FGL2: variants seen among roughly 807,000 people sequenced by gnomAD.
FGL2 encodes fibrinogen like 2, also known as fibroleukin.
FGL2 carries 21 observed loss-of-function variants against 36.0 expected under a neutral mutation model. That is an observed-to-expected ratio of 0.58 (90% CI 0.41 to 0.84). The LOEUF is 0.84. Among genes scored for constraint, FGL2 ranks in the 40% least tolerant of loss-of-function variants. The pLI is 0.00. For synonymous variants in FGL2, 183 were observed against 190.7 expected (o/e 0.96, Z 0.33); for missense variants, 444 against 526.3 (o/e 0.84, Z 1.53).
chr7:77,197,090 A>C (rs1345638209), intron 1 of FGL2, 105 bp from the exon 2 acceptor site: 11 of 717,528 alleles, frequency 1.5e-5, no homozygotes, highest in Admixed American at 2.7e-5. Context: ...AATCAATGGC[A>C]GTAATGAAAC....
Position 77,193,421 on chromosome 7 carries a change from G to A in FGL2, c.*2858C>T, listed in dbSNP as rs1791807159. On this transcript the variant is annotated 3_prime_UTR_variant, in exon 2 of 2. Coordinates refer to ENST00000248598, the MANE Select transcript of FGL2 (RefSeq NM_006682.3). Reference sequence around the variant, plus strand: ...TATTTCCACATTGAAGAATAGATGTGATAATTAAATCTTTTATAAGGTTTT... The same window carrying A: ...TATTTCCACATTGAAGAATAGATGTAATAATTAAATCTTTTATAAGGTTTT... The A allele has an allele frequency of 6.6e-6, 1 of 152,092 alleles. No individual in the cohort carries two copies. Among genetic ancestry groups the A allele is most frequent in the Admixed American group, 6.5e-5 (1 of 15,278 alleles). 9.4% of individuals were successfully genotyped at this position (152,092 alleles called of 1,614,324 possible).
chr7:77,197,050 T>G, intron 1 of FGL2, 65 bp from the exon 2 acceptor site: 1 of 977,744 alleles, frequency 1.0e-6, no homozygotes, highest in Non-Finnish European at 1.5e-6. Flanking sequence ...TGAAGAATTC[T>G]TTATATGTAC....
intron 1 of FGL2, 151 bp downstream of exon 1, chr7:77,199,030 G>T: frequency 1.5e-6 from 1 of 673,394 alleles, no homozygotes; most frequent in South Asian, 1.9e-5. Flanking sequence ...GGTCATATTT[G>T]AGAAGATATT....
Position 77,193,453 on chromosome 7 carries a change from A to C in FGL2, c.*2826T>G, listed in dbSNP as rs1441954212. Reference sequence around the variant, plus strand: ...AAATCTTTTATAAGGTTTTAAAAAGACATGAAACATAAACCTAATTATACA... The same window carrying C: ...AAATCTTTTATAAGGTTTTAAAAAGCCATGAAACATAAACCTAATTATACA... On this transcript the variant is annotated 3_prime_UTR_variant, in exon 2 of 2. Transcript: ENST00000248598. 6.6e-6 allele frequency: 1 copy of C among 152,232 alleles called. No homozygotes were observed. Among genetic ancestry groups the C allele is most frequent in the African/African-American group, 2.4e-5 (1 of 41,472 alleles). The allele number at this position is 152,232 out of a possible 1,614,324, so 9.4% of individuals were successfully genotyped here.
rs201207845 is a variant in FGL2, at chr7:77,199,322, G to C, written c.472C>G (p.Leu158Val). Residue 158 changes from leucine to valine, a missense_variant, in exon 1 of 2, where the codon CTG becomes GTG. Physicochemically the swap from Leu to Val is conservative, Grantham distance 32. Transcript: ENST00000248598. Reference sequence around the variant, plus strand: ...ATATTTACAAGATTCAGCTTCTCCAGGCGACCATGAAGTACATTGATCTCC... The same window carrying C: ...ATATTTACAAGATTCAGCTTCTCCACGCGACCATGAAGTACATTGATCTCC... ...KEEINVLHGR[L>V]EKLNLVNMNN... The C allele has an allele frequency of 8.7e-4, 1,402 of 1,614,062 alleles. 23 individuals carry two copies. The South Asian group carries it at 0.015, about 17-fold the overall frequency.
Position 77,195,527 on chromosome 7 carries a change from G to T in FGL2, c.*752C>A, listed in dbSNP as rs1436627623. On this transcript the variant is annotated 3_prime_UTR_variant, in exon 2 of 2. Coordinates refer to ENST00000248598, the MANE Select transcript of FGL2 (RefSeq NM_006682.3). ...GTTCTGTTGCAAAGTAAATGATATA[G>T]ATTAAGTTTGTCTCAGAATGAAGAT... The T allele has an allele frequency of 6.6e-6, 1 of 152,174 alleles. No homozygotes were observed. The highest frequency in any genetic ancestry group is 2.4e-5 in the African/African-American group (1 of 41,438). 9.4% of individuals were successfully genotyped at this position (152,174 alleles called of 1,614,324 possible).
At chr7:77,197,367 C>T (rs933657452) in intron 1 of FGL2, among the ~76,000 whole-genome samples, 2 of 152,202 alleles carry the variant, frequency 1.3e-5, no homozygotes, top group Admixed American at 6.5e-5. Flanking sequence ...ATGATGTAGG[C>T]GTTACTGCCA....
chr7:77,194,500 A>G lies in FGL2; in HGVS notation c.*1779T>C, dbSNP rs1791828954. 1 of 152,074 alleles carries G rather than the reference A, an allele frequency of 6.6e-6. No homozygotes were observed. Among genetic ancestry groups the G allele is most frequent in the South Asian group, 2.1e-4 (1 of 4,838 alleles). The allele number at this position is 152,074 out of a possible 1,614,324, so 9.4% of individuals were successfully genotyped here. Reference sequence around the variant, plus strand: ...AACATTTTAATAGTATTTGTGATATATCATGTTTAACTGAAAGCTTTGGGT... The same window carrying G: ...AACATTTTAATAGTATTTGTGATATGTCATGTTTAACTGAAAGCTTTGGGT... On this transcript the variant is annotated 3_prime_UTR_variant, in exon 2 of 2. Transcript: ENST00000248598.
chr7:77,196,963 A>G lies in FGL2; in HGVS notation c.636T>C (p.Asp212=). The G allele has an allele frequency of 6.2e-7, 1 of 1,606,344 alleles. No homozygotes were observed. Among genetic ancestry groups the G allele is most frequent in the Non-Finnish European group, 8.5e-7 (1 of 1,176,064 alleles). The change falls in exon 2 of 2, where the codon GAT becomes GAC. Residue 212 remains aspartate, a synonymous_variant. Coordinates refer to ENST00000248598, the MANE Select transcript of FGL2 (RefSeq NM_006682.3). The surrounding 1 kb of genome is among the most constrained non-coding windows in gnomAD (Gnocchi z 4.2). ...SRPVQHLIYK[D]CSDYYAIGKR... The stretch of plus-strand genomic sequence containing the variant: ...TGCCTATTGCGTAGTAGTCAGAGCA[A>G]TCTTTATATATTAGATGTTGAACTG...
chr7:77,199,625 A>C lies in FGL2; in HGVS notation c.169T>G (p.Tyr57Asp). Residue 57 changes from tyrosine (Y) to aspartate (D), a missense_variant, in exon 1 of 2, where the codon TAC (tyrosine) becomes GAC (aspartate). Tyr to Asp is a radical substitution (Grantham distance 160). Transcript: ENST00000248598. ...GTCAAGGGGGGCAGGCTTACCTGGT[A>C]GGGGCACTCCCCTGCCTCTTCGCAT... ...GKCEEAGECP[Y>D]QVSLPPLTIQ... 1.2e-6 allele frequency: 2 copies of C among 1,614,110 alleles called. No homozygotes were observed. Among genetic ancestry groups the C allele is most frequent in the Non-Finnish European group, 1.7e-6 (2 of 1,180,000 alleles).
In FGL2 at chr7:77,194,539, G is replaced by C. The variant is rs1791829491; in HGVS notation, c.*1740C>G. ...AAAGCTTTGGGTTATATATTTTAAA[G>C]GAATATCTTACTTTTTGACTAAATA... is the stretch of plus-strand genomic sequence containing the variant. On this transcript the variant is annotated 3_prime_UTR_variant, in exon 2 of 2. Transcript: ENST00000248598. 6.6e-6 allele frequency: 1 copy of C among 151,910 alleles called. No individual in the cohort carries two copies. The highest frequency in any genetic ancestry group is 2.4e-5 in the African/African-American group (1 of 41,382). 9.4% of individuals were successfully genotyped at this position (151,910 alleles called of 1,614,324 possible).
At position 77,196,858 on chromosome 7, in the gene FGL2, C is replaced by A. The variant is rs548765525; in HGVS notation, c.741G>T (p.Met247Ile). ...SFEVYCDMET[M>I]GGGWTVLQAR... ...CCTGCAGCACTGTCCAGCCTCCCCC[C>A]ATGGTCTCCATGTCACAGTAAACTT... The change falls in exon 2 of 2, where the codon ATG becomes ATT. Residue 247 changes from methionine (M) to isoleucine (I), a missense_variant. Physicochemically the swap from Met to Ile is conservative, Grantham distance 10. Coordinates refer to ENST00000248598, the MANE Select transcript of FGL2 (RefSeq NM_006682.3). The surrounding 1 kb of genome is among the most constrained non-coding windows in gnomAD (Gnocchi z 4.2). The A allele has an allele frequency of 7.4e-6, 12 of 1,613,928 alleles. No individual in the cohort carries two copies. The highest frequency in any genetic ancestry group is 1.6e-4 in the Middle Eastern group (1 of 6,084).
chr7:77,194,916 T>G lies in FGL2; in HGVS notation c.*1363A>C, dbSNP rs1446311501. On this transcript the variant is annotated 3_prime_UTR_variant, in exon 2 of 2. Coordinates refer to ENST00000248598, the MANE Select transcript of FGL2 (RefSeq NM_006682.3). ...GATGAATTATAAAAATTACAGATAC[T>G]TCTGTTTGGGTAAAAATCTATCTTT... The G allele has an allele frequency of 1.3e-5, 2 of 152,144 alleles. No individual in the cohort carries two copies. The highest frequency in any genetic ancestry group is 2.4e-5 in the African/African-American group (1 of 41,448). 9.4% of individuals were successfully genotyped at this position (152,144 alleles called of 1,614,324 possible). A position where few individuals can be genotyped will look rare whatever the true frequency, so the allele number is the denominator to read the frequency against.
chr7:77,196,663 T>G lies in FGL2; in HGVS notation c.936A>C (p.Leu312=). The change falls in exon 2 of 2, where the codon CTA becomes CTC. Residue 312 remains leucine (L), a synonymous_variant. Coordinates refer to ENST00000248598, the MANE Select transcript of FGL2 (RefSeq NM_006682.3). This position sits in a 1 kb window ranked among gnomAD's most constrained non-coding sequence, Gnocchi z 4.2. ...IDLEDFNGVE[L]YALYDQFYVA... is the part of the protein sequence containing the mutation. ...CATAAAACTGATCATACAAGGCATA[T>G]AGTTCGACACCATTAAAGTCTTCAA... 6.2e-7 allele frequency: 1 copy of G among 1,614,166 alleles called. No individual in the cohort carries two copies. Among genetic ancestry groups the G allele is most frequent in the Admixed American group, 1.7e-5 (1 of 60,038 alleles).
chr7:77,198,366 T>G lies in FGL2; in HGVS notation c.613+815A>C, dbSNP rs527832433. 1.7e-4 allele frequency: 166 copies of G among 967,000 alleles called. No homozygotes were observed. The African/African-American group carries it at 2.6e-3, about 15-fold the overall frequency. The allele number at this position is 967,000 out of a possible 1,614,324, so 59.9% of individuals were successfully genotyped here. A position where few individuals can be genotyped will look rare whatever the true frequency, so the allele number is the denominator to read the frequency against. ...GATGGCTTTCCAAAGTATGAGACAGTCAGCAACAGTGGTCCCAGTGACTCA... is the reference window on the plus strand; with the variant it reads ...GATGGCTTTCCAAAGTATGAGACAGGCAGCAACAGTGGTCCCAGTGACTCA... On this transcript the variant is annotated intron_variant, in intron 1 of 1. Coordinates refer to ENST00000248598, the MANE Select transcript of FGL2 (RefSeq NM_006682.3).
rs1791820627 is a variant in FGL2 at position 77,194,019 on chromosome 7, T to G, written c.*2260A>C. 1 of 152,472 alleles carries G rather than the reference T, an allele frequency of 6.6e-6. No homozygotes were observed. Among genetic ancestry groups the G allele is most frequent in the South Asian group, 2.1e-4 (1 of 4,834 alleles). 9.4% of individuals were successfully genotyped at this position (152,472 alleles called of 1,614,324 possible). A position where few individuals can be genotyped will look rare whatever the true frequency, so the allele number is the denominator to read the frequency against. On this transcript the variant is annotated 3_prime_UTR_variant, in exon 2 of 2. Coordinates refer to ENST00000248598, the MANE Select transcript of FGL2 (RefSeq NM_006682.3). Reference sequence around the variant, plus strand: ...AATGGAATTTCTGTGTTACAGAATTTACTAGAAAAGTGCTGTGAAAGTATA... The same window carrying G: ...AATGGAATTTCTGTGTTACAGAATTGACTAGAAAAGTGCTGTGAAAGTATA...
Position 77,196,857 on chromosome 7 carries a change from C to T in FGL2, c.742G>A (p.Gly248Arg). 1 of 1,614,026 alleles carries T rather than the reference C, an allele frequency of 6.2e-7. No homozygotes were observed. The highest frequency in any genetic ancestry group is 8.5e-7 in the Non-Finnish European group (1 of 1,179,998). The change falls in exon 2 of 2, where the codon GGG becomes AGG. Residue 248 changes from glycine (G) to arginine (R), a missense_variant. Transcript: ENST00000248598. The surrounding 1 kb of genome is among the most constrained non-coding windows in gnomAD (Gnocchi z 4.2). ...FEVYCDMETM[G>R]GGWTVLQARL... ...GCCTGCAGCACTGTCCAGCCTCCCC[C>T]CATGGTCTCCATGTCACAGTAAACT...
chr7:77,196,548 G>T lies in FGL2; in HGVS notation c.1051C>A (p.His351Asn). ...DALRFNKHYNHDLKFFTTPDK... is the reference protein window; with the variant it reads ...DALRFNKHYNNDLKFFTTPDK... Reference sequence around the variant, plus strand: ...GGAGTGGTGAAAAACTTCAGATCGTGGTTGTAATGTTTGTTGAAACGTAAT... The same window carrying T: ...GGAGTGGTGAAAAACTTCAGATCGTTGTTGTAATGTTTGTTGAAACGTAAT... The change falls in exon 2 of 2, where the codon CAC becomes AAC. Residue 351 changes from histidine (H) to asparagine (N), a missense_variant. By Grantham distance (68) the His-to-Asn change is moderately conservative (BLOSUM62 1). Coordinates refer to ENST00000248598, the MANE Select transcript of FGL2 (RefSeq NM_006682.3). The surrounding 1 kb of genome is among the most constrained non-coding windows in gnomAD (Gnocchi z 4.2). The T allele has an allele frequency of 6.2e-7, 1 of 1,614,146 alleles. No homozygotes were observed. The highest frequency in any genetic ancestry group is 1.1e-5 in the South Asian group (1 of 91,084).
intron 1 of FGL2, 190 bp downstream of exon 1, chr7:77,198,991 T>C: frequency 1.7e-6 from 1 of 599,776 alleles, no homozygotes; most frequent in South Asian, 2.2e-5. Flanking sequence ...GAACTAACTA[T>C]GATTTTTGTA....
Sources: allele counts gnomAD v4.1 joint callset (sites outside exome capture counted in the v4.1 genomes callset), GRCh38; gene constraint gnomAD v4.1.1; non-coding constraint Gnocchi (gnomAD v3.1); transcripts MANE v1.5; gene names NCBI Gene and HGNC (gene_info 2026-07-23, HGNC 2026-07-21).